The following MGAT4C variants were observed in gnomAD, a reference collection of about 807,000 sequenced individuals.
MGAT4C encodes alpha-1,3-mannosyl-glycoprotein 4-beta-N-acetylglucosaminyltransferase C.
Under a neutral mutation model 40.1 loss-of-function variants are expected in MGAT4C, and 19 were observed. That is an observed-to-expected ratio of 0.47 (90% CI 0.33 to 0.70). The LOEUF (loss-of-function observed/expected upper bound fraction) is 0.70, where lower values mean the gene tolerates loss of function less well. Among genes scored for constraint, MGAT4C ranks in the 30% least tolerant of loss-of-function variants. MGAT4C has a pLI of 0.02. For synonymous variants in MGAT4C, 181 were observed against 187.1 expected (o/e 0.97, Z 0.27); for missense variants, 491 against 563.2 (o/e 0.87, Z 1.30).
intron 3 of MGAT4C, among the ~76,000 whole-genome samples, chr12:86,368,918 G>C (rs1214599229): frequency 6.6e-6 from 1 of 151,896 alleles, no homozygotes; most frequent in Non-Finnish European, 1.5e-5. Context: ...CAAGTCTGCT[G>C]TTTCCTTATT....
intron 3 of MGAT4C, among the ~76,000 whole-genome samples, chr12:86,409,817 A>T (rs1398537523): frequency 6.6e-6 from 1 of 152,090 alleles, no homozygotes; most frequent in Non-Finnish European, 1.5e-5. Context: ...CAGGAGAACC[A>T]GCCCCCAATT....
chr12:86,254,047 G>T (rs1592596388), intron 1 of MGAT4C, among the ~76,000 whole-genome samples: 1 of 151,670 alleles, frequency 6.6e-6, no homozygotes, highest in South Asian at 2.1e-4. Flanking sequence ...CTTAATACTG[G>T]TTACATAAGT....
At chr12:86,782,730 A>G (rs757850446) in intron 1 of MGAT4C, among the ~76,000 whole-genome samples, 2 of 152,158 alleles carry the variant, frequency 1.3e-5, no homozygotes, top group Non-Finnish European at 2.9e-5. Flanking sequence ...TTAATCCAGT[A>G]GAACTGGTGT....
chr12:86,445,057 C>G (rs928625154), intron 2 of MGAT4C, among the ~76,000 whole-genome samples: 1 of 152,078 alleles, frequency 6.6e-6, no homozygotes, highest in Non-Finnish European at 1.5e-5. Context: ...TGAGGAATTG[C>G]AAAGGATCAC....
At chr12:86,409,588 C>T (rs772560823) in intron 3 of MGAT4C, among the ~76,000 whole-genome samples, 1 of 152,090 alleles carries the variant, frequency 6.6e-6, no homozygotes, top group Non-Finnish European at 1.5e-5. Flanking sequence ...CCAGCAACTA[C>T]CTGTTCAATG....
intron 2 of MGAT4C, among the ~76,000 whole-genome samples, chr12:86,511,469 G>A (rs1043039784): frequency 2.6e-5 from 4 of 152,050 alleles, no homozygotes; most frequent in African/African-American, 9.7e-5. Context: ...CTTCCAGATT[G>A]TCCAGTGTTC....
rs546988238 is a variant in MGAT4C, at chr12:85,975,270, A to G, written c.*4019T>C. The G allele has an allele frequency of 2.0e-5, 3 of 150,998 alleles. No individual in the cohort carries two copies. Among genetic ancestry groups the G allele is most frequent in the Non-Finnish European group, 4.5e-5 (3 of 67,154 alleles). 9.4% of individuals were successfully genotyped at this position (150,998 alleles called of 1,614,324 possible). A position where few individuals can be genotyped will look rare whatever the true frequency, so the allele number is the denominator to read the frequency against. ...TTTTTAAAGGGCAGTAAATTTTATA[A>G]TTGTTATTGATTACAATGAAGGCCT... On this transcript the variant is annotated 3_prime_UTR_variant, in exon 5 of 5. Coordinates refer to ENST00000611864, the MANE Select transcript of MGAT4C (RefSeq NM_001351288.2).
intron 2 of MGAT4C, among the ~76,000 whole-genome samples, chr12:86,721,776 C>T (rs757053681): frequency 8.5e-5 from 13 of 152,086 alleles, no homozygotes; most frequent in South Asian, 8.3e-4. Flanking sequence ...AAAAAACACA[C>T]GCAGTTTGCC....
chr12:86,426,194 T>C (rs1486740994), intron 3 of MGAT4C, among the ~76,000 whole-genome samples: 5 of 152,178 alleles, frequency 3.3e-5, no homozygotes, highest in Admixed American at 1.3e-4. Flanking sequence ...CCATCAGTCA[T>C]TGACTCTTCG....
intron 2 of MGAT4C, among the ~76,000 whole-genome samples, chr12:86,687,634 T>C (rs1326259571): frequency 1.3e-5 from 2 of 152,342 alleles, no homozygotes; most frequent in East Asian, 1.9e-4. Flanking sequence ...AGTTTCCATG[T>C]AGTTGTGCAG....
At chr12:86,416,229 G>A (rs181111616) in intron 3 of MGAT4C, among the ~76,000 whole-genome samples, 1 of 152,038 alleles carries the variant, frequency 6.6e-6, no homozygotes, top group African/African-American at 2.4e-5. Flanking sequence ...GAAGGATCAT[G>A]TCTTCTGGCT....
intron 1 of MGAT4C, among the ~76,000 whole-genome samples, chr12:86,831,836 C>T (rs979979414): frequency 6.6e-6 from 1 of 151,706 alleles, no homozygotes; most frequent in African/African-American, 2.4e-5. Flanking sequence ...AATTATTAAG[C>T]CTGTTTATTT....
At chr12:86,013,194 T>C (rs1275935045) in intron 2 of MGAT4C, among the ~76,000 whole-genome samples, 2 of 151,900 alleles carry the variant, frequency 1.3e-5, no homozygotes, top group African/African-American at 2.4e-5. Context: ...TGAATGTTCA[T>C]TTACATGAAA....
At position 86,643,789 on chromosome 12, in the gene MGAT4C, T is replaced by C. The variant is rs1029636289; in HGVS notation, c.-229+83420A>G. On this transcript the variant is annotated intron_variant, in intron 2 of 7. Transcript: ENST00000548651. ...GTAAAACTATATGAATATGTGATAA[T>C]ACACTAAATTGTATACTTTAAAAGG... Among the ~76,000 whole-genome samples, 7 of 151,806 alleles carry C rather than the reference T, an allele frequency of 4.6e-5. No homozygotes were observed. In the East Asian group the frequency reaches 1.4e-3, roughly 29 times the overall value.
At chr12:86,359,201 A>G (rs1410671815) in intron 3 of MGAT4C, among the ~76,000 whole-genome samples, 1 of 152,234 alleles carries the variant, frequency 6.6e-6, no homozygotes, top group Non-Finnish European at 1.5e-5. Flanking sequence ...CTACATGGAA[A>G]CTGAACAACC....
intron 2 of MGAT4C, among the ~76,000 whole-genome samples, chr12:86,032,089 CA>C (rs1400496998): frequency 1.3e-5 from 2 of 151,902 alleles, no homozygotes; most frequent in African/African-American, 4.8e-5. Flanking sequence ...CTGCAAAGGA[CA>C]TAAACTCGTT....
intron 2 of MGAT4C, among the ~76,000 whole-genome samples, chr12:86,553,816 C>A (rs74348933): frequency 0.031 from 4,700 of 152,196 alleles, 125 homozygotes; most frequent in African/African-American, 0.074. Flanking sequence ...TTGTGCCATC[C>A]TTTACTACTT....
At chr12:86,739,557 A>G (rs1415945950) in intron 1 of MGAT4C, among the ~76,000 whole-genome samples, 1 of 151,016 alleles carries the variant, frequency 6.6e-6, no homozygotes, top group African/African-American at 2.4e-5. Context: ...TTGCATTTGT[A>G]CTGAACATGC....
chr12:86,062,326 G>A (rs148623700), intron 1 of MGAT4C, among the ~76,000 whole-genome samples: 58 of 152,176 alleles, frequency 3.8e-4, no homozygotes, highest in African/African-American at 1.2e-3. Context: ...AAGGGATAGC[G>A]TCAAGATCAA....
Sources: gnomAD v4.1 joint callset for allele counts (sites outside exome capture counted in the v4.1 genomes callset) on GRCh38, gnomAD v4.1.1 for gene constraint, MANE v1.5 for transcripts, NCBI Gene and HGNC (gene_info 2026-07-23, HGNC 2026-07-21) for gene names.